The following PRPS2 variants were observed in gnomAD, a reference collection of about 807,000 sequenced individuals.
PRPS2 encodes ribose-phosphate pyrophosphokinase 2.
For missense variants in PRPS2, 104 were observed against 271.5 expected (o/e 0.38, Z 4.34); for synonymous variants, 111 against 115.3 (o/e 0.96, Z 0.24).
intron 4 of PRPS2, among the ~76,000 whole-genome samples, chrX:12,812,284 G>C (rs147472610): frequency 7.1e-5 from 8 of 111,972 alleles, no homozygotes; most frequent in Admixed American, 6.6e-4. Flanking sequence ...AGGAGCGAGC[G>C]TCAGATGTAA....
chrX:12,807,602 T>C (rs2042600025), intron 2 of PRPS2, among the ~76,000 whole-genome samples: 3 of 111,737 alleles, frequency 2.7e-5, no homozygotes, highest in African/African-American at 9.8e-5. Flanking sequence ...TAAATATTTA[T>C]TGAAGAACTA....
intron 4 of PRPS2, among the ~76,000 whole-genome samples, chrX:12,816,475 G>C (rs2042648296): frequency 9.1e-6 from 1 of 110,321 alleles, no homozygotes; most frequent in Non-Finnish European, 1.9e-5. Context: ...GCTAATTTTT[G>C]TATTTTTTGT....
intron 1 of PRPS2, among the ~76,000 whole-genome samples, chrX:12,798,837 G>A (rs1287514822): frequency 9.0e-6 from 1 of 111,571 alleles, no homozygotes; most frequent in African/African-American, 3.3e-5. Flanking sequence ...GCTAGGCAGA[G>A]GGTGCTTATA....
At chrX:12,816,497 T>C (rs2042648452) in intron 4 of PRPS2, among the ~76,000 whole-genome samples, 1 of 110,732 alleles carries the variant, frequency 9.0e-6, no homozygotes, top group African/African-American at 3.3e-5. Context: ...GAGATGGGGT[T>C]TTACTATGTT....
At chrX:12,810,628 G>A (rs895591417) in intron 4 of PRPS2, among the ~76,000 whole-genome samples, 1 of 111,055 alleles carries the variant, frequency 9.0e-6, no homozygotes, top group African/African-American at 3.3e-5. Flanking sequence ...TGGGGGATGG[G>A]CATCAGATCC....
chrX:12,805,567 G>A (rs917601471), intron 2 of PRPS2, among the ~76,000 whole-genome samples: 4 of 112,128 alleles, frequency 3.6e-5, no homozygotes, highest in African/African-American at 1.3e-4. Flanking sequence ...AACTTTATGT[G>A]CACTGAAATA....
intron 1 of PRPS2, among the ~76,000 whole-genome samples, chrX:12,797,259 G>A (rs2042549165): frequency 9.1e-6 from 1 of 110,259 alleles, no homozygotes; most frequent in Non-Finnish European, 1.9e-5. Context: ...TCGGGAGGCT[G>A]AGGCAGGATA....
In PRPS2 at chrX:12,799,153, GC is replaced by G. The variant is rs112000413; in HGVS notation, c.123-51del. 905 of 1,145,547 alleles carry G rather than the reference GC, an allele frequency of 7.9e-4. 6 individuals are homozygous for G. In the African/African-American group the frequency reaches 0.014, roughly 18 times the overall value. 94.4% of individuals were successfully genotyped at this position (1,145,547 alleles called of 1,213,427 possible). On this transcript the variant is annotated intron_variant, in intron 1 of 6. Transcript: ENST00000380668. ...CAAACCTAGGGGTGGTCTCAGGGAC[GC>G]CCAAGATGCAAATATGCTTCGATAT...
At chrX:12,797,251 G>T (rs1487715611) in intron 1 of PRPS2, among the ~76,000 whole-genome samples, 4 of 110,108 alleles carry the variant, frequency 3.6e-5, no homozygotes, top group Admixed American at 9.7e-5. Flanking sequence ...CGAGCTACTC[G>T]GGAGGCTGAG....
At chrX:12,817,353 G>T (rs769605552) in intron 4 of PRPS2, among the ~76,000 whole-genome samples, 1 of 107,517 alleles carries the variant, frequency 9.3e-6, no homozygotes, top group Non-Finnish European at 1.9e-5. Context: ...TTTTTAAGAT[G>T]GCATGTGCTT....
At chrX:12,816,308 T>A (rs1251924516) in intron 4 of PRPS2, among the ~76,000 whole-genome samples, 1 of 111,554 alleles carries the variant, frequency 9.0e-6, no homozygotes, top group African/African-American at 3.3e-5. Flanking sequence ...ACTATGTGGT[T>A]TTTTTGTTTT....
At chrX:12,809,378 A>G in intron 3 of PRPS2, 46 bp downstream of exon 3, 1 of 1,118,952 alleles carries the variant, frequency 8.9e-7, no homozygotes, top group Non-Finnish European at 1.2e-6. Context: ...AGTCTGTTAA[A>G]TTAAATAATC....
At position 12,791,414 on chromosome X, in the gene PRPS2, A is replaced by T; in HGVS notation, c.-84A>T. 4.6e-6 allele frequency: 5 copies of T among 1,092,523 alleles called. No homozygotes were observed. The highest frequency in any genetic ancestry group is 6.1e-6 in the Non-Finnish European group (5 of 822,958). 90.0% of individuals were successfully genotyped at this position (1,092,523 alleles called of 1,213,427 possible). Reference sequence around the variant, plus strand: ...AGCCGCCGCGCTTTCCCGCTCCCGCAGCAGCAGCCTCCCGCGTCGCTGTCG... The same window carrying T: ...AGCCGCCGCGCTTTCCCGCTCCCGCTGCAGCAGCCTCCCGCGTCGCTGTCG... On this transcript the variant is annotated 5_prime_UTR_variant, in exon 1 of 7. Transcript: ENST00000380668.
At chrX:12,801,968 G>T (rs2042572792) in intron 2 of PRPS2, among the ~76,000 whole-genome samples, 1 of 111,775 alleles carries the variant, frequency 8.9e-6, no homozygotes, top group African/African-American at 3.3e-5. Flanking sequence ...TTTGTATTTG[G>T]CCCTAAGATA....
intron 2 of PRPS2, among the ~76,000 whole-genome samples, chrX:12,800,008 A>C (rs959384117): frequency 4.4e-5 from 5 of 112,496 alleles, no homozygotes; most frequent in Non-Finnish European, 9.4e-5. Flanking sequence ...TTTAGAAAAA[A>C]ATTGAAGAAA....
intron 1 of PRPS2, among the ~76,000 whole-genome samples, chrX:12,795,844 A>T: frequency 8.9e-6 from 1 of 111,965 alleles, no homozygotes; most frequent in Middle Eastern, 4.6e-3. Flanking sequence ...GTCATAGTTG[A>T]TGTAGTGTTC....
At position 12,820,824 on chromosome X, in the gene PRPS2, G is replaced by A. The variant is rs764910537; in HGVS notation, c.864+21G>A. The A allele has an allele frequency of 3.3e-6, 4 of 1,196,938 alleles. No homozygotes were observed. The Admixed American group carries it at 8.9e-5, about 27-fold the overall frequency. On this transcript the variant is annotated intron_variant, in intron 6 of 6. Transcript: ENST00000380668. Reference sequence around the variant, plus strand: ...TTCAGGTACTGTCTATACACCAAAGGCAGCCAAGCAGCCAGGCACCTACTT... The same window carrying A: ...TTCAGGTACTGTCTATACACCAAAGACAGCCAAGCAGCCAGGCACCTACTT...
chrX:12,819,309 A>G (rs749397632), intron 4 of PRPS2, among the ~76,000 whole-genome samples, 198 bp from the exon 5 acceptor site: 3 of 112,102 alleles, frequency 2.7e-5, no homozygotes, highest in African/African-American at 9.7e-5. Flanking sequence ...AGCTGCCCCA[A>G]TTGCAAGGTC....
chrX:12,815,633 G>C (rs1239765191), intron 4 of PRPS2, among the ~76,000 whole-genome samples: 1 of 111,392 alleles, frequency 9.0e-6, no homozygotes, highest in Non-Finnish European at 1.9e-5. Context: ...TAATAGAACT[G>C]TACGTGTTTT....
Sources: gnomAD v4.1 joint callset for allele counts (sites outside exome capture counted in the v4.1 genomes callset) on GRCh38, gnomAD v4.1.1 for gene constraint, MANE v1.5 for transcripts, NCBI Gene and HGNC (gene_info 2026-07-23, HGNC 2026-07-21) for gene names.